The following PRDM16 variants were observed in gnomAD, a reference collection of about 807,000 sequenced individuals.
PRDM16 encodes PR/SET domain 16.
PRDM16 carries 23 observed loss-of-function variants against 110.6 expected under a neutral mutation model. The ratio of observed to expected loss-of-function variants is 0.21; its 90% confidence interval spans 0.15 to 0.29. The LOEUF is 0.29. PRDM16 is among the 10% of genes least tolerant of loss of function. The pLI, the probability that PRDM16 is intolerant of heterozygous loss-of-function variation, is 1.00. For synonymous variants in PRDM16, 799 were observed against 781.8 expected (o/e 1.02, Z -0.37); for missense variants, 1,615 against 1,794.3 (o/e 0.90, Z 1.81).
In PRDM16 at chr1:3,190,114, G is replaced by C. The variant is rs1158852023; in HGVS notation, c.387+3640G>C. On this transcript the variant is annotated intron_variant, in intron 2 of 16. Transcript: ENST00000270722. This position sits in a 1 kb window ranked among gnomAD's most constrained non-coding sequence, Gnocchi z 5.0. The stretch of plus-strand genomic sequence containing the variant: ...TGACAGCATGACTCCCTGGGGATGA[G>C]AGATGGGGCGGGCAGCACGTGAGGC... Among the ~76,000 whole-genome samples, 1 of 152,156 alleles carries C rather than the reference G, an allele frequency of 6.6e-6. No individual in the cohort carries two copies. Among genetic ancestry groups the C allele is most frequent in the Non-Finnish European group, 1.5e-5 (1 of 68,038 alleles).
At chr1:3,304,681 G>T (rs1641274048) in intron 3 of PRDM16, among the ~76,000 whole-genome samples, 1 of 152,176 alleles carries the variant, frequency 6.6e-6, no homozygotes, top group African/African-American at 2.4e-5. Flanking sequence ...ATAAGGGAGG[G>T]CAGTGTCGGT....
chr1:3,354,412 A>G (rs1642553363), intron 3 of PRDM16, among the ~76,000 whole-genome samples: 2 of 147,092 alleles, frequency 1.4e-5, no homozygotes, highest in South Asian at 4.3e-4. Flanking sequence ...GTGAGCCGAG[A>G]TTGCACCACT....
rs577288605 is a variant in PRDM16, at chr1:3,434,936, G to A, written c.*1125G>A. On this transcript the variant is annotated 3_prime_UTR_variant, in exon 17 of 17. Transcript: ENST00000270722. ...GGCTGCCCTGGGGAGCAATCCCAGCGGATCGCTCCGGGCCACCAAGCCGCA... is the reference window on the plus strand; with the variant it reads ...GGCTGCCCTGGGGAGCAATCCCAGCAGATCGCTCCGGGCCACCAAGCCGCA... The A allele has an allele frequency of 6.5e-5, 15 of 230,576 alleles. No individual in the cohort carries two copies. The highest frequency in any genetic ancestry group is 1.3e-3 in the Middle Eastern group (1 of 790). The allele number at this position is 230,576 out of a possible 1,614,324, so 14.3% of individuals were successfully genotyped here.
chr1:3,354,633 G>T (rs1460598071), intron 3 of PRDM16, among the ~76,000 whole-genome samples: 1 of 152,124 alleles, frequency 6.6e-6, no homozygotes. Context: ...GGGGTGTCTG[G>T]TGTTCCAGCT....
intron 3 of PRDM16, among the ~76,000 whole-genome samples, chr1:3,298,056 G>A (rs987934375): frequency 6.6e-6 from 1 of 152,248 alleles, no homozygotes; most frequent in African/African-American, 2.4e-5. Flanking sequence ...GCTGCTGAGA[G>A]TTCTGCAGCA....
chr1:3,386,153 G>GGGGTGCCCA (rs1643192851), intron 4 of PRDM16, among the ~76,000 whole-genome samples: 2 of 152,250 alleles, frequency 1.3e-5, no homozygotes, highest in South Asian at 4.2e-4. Context: ...CGGGGTGCCC[G>GGGGTGCCCA]GGGTGCCCGG....
intron 3 of PRDM16, among the ~76,000 whole-genome samples, chr1:3,384,943 G>A (rs918889188): frequency 6.6e-6 from 1 of 152,192 alleles, no homozygotes; most frequent in Non-Finnish European, 1.5e-5. Context: ...CTTTCTGCTG[G>A]GCTCCTGGAG....
chr1:3,365,944 G>GCACACACGCATGCACACAAACGCA (rs56403332), intron 3 of PRDM16, among the ~76,000 whole-genome samples: 1 of 151,640 alleles, frequency 6.6e-6, no homozygotes, highest in African/African-American at 2.4e-5. Context: ...GCACACAAAC[G>GCACACACGCATGCACACAAACGCA]CACACGCATG....
chr1:3,184,909 GGT>G lies in PRDM16; in HGVS notation c.38-1212_38-1211del, dbSNP rs541488798. 7.3e-3 allele frequency among the ~76,000 whole-genome samples: 1,113 copies of G among 152,154 alleles called. 17 individuals are homozygous for G. Among genetic ancestry groups the G allele is most frequent in the African/African-American group, 0.026 (1,074 of 41,504 alleles). On this transcript the variant is annotated intron_variant, in intron 1 of 16. Transcript: ENST00000270722. ...CTCCTTGGGGAGGGGTGGTGCCACAGGTGTGACCCTCTGCATCGGCTTCCTAC... is the reference window on the plus strand; with the variant it reads ...CTCCTTGGGGAGGGGTGGTGCCACAGGTGACCCTCTGCATCGGCTTCCTAC...
rs774994985 is a variant in PRDM16, at chr1:3,412,039, C to A, written c.1842C>A (p.Asp614Glu). The A allele has an allele frequency of 3.7e-6, 6 of 1,612,684 alleles. No individual in the cohort carries two copies. The highest frequency in any genetic ancestry group is 4.2e-6 in the Non-Finnish European group (5 of 1,179,514). Residue 614 changes from aspartate (D) to glutamate (E), a missense_variant, in exon 9 of 17, where the codon GAC (aspartate) becomes GAA (glutamate). Physicochemically the swap from Asp to Glu is conservative, Grantham distance 45 (BLOSUM62 2). Around this residue, in one of 5 missense-constraint regions of PRDM16, gnomAD observed 772 missense variants for 748.3 expected, o/e 1.03. Coordinates refer to ENST00000270722, the MANE Select transcript of PRDM16 (RefSeq NM_022114.4). ...ACGTCAACACCACCACGGGGACCGA[C>A]CTGGACACGACCACGGGGACGGGCT... ...FEDVNTTTGT[D>E]LDTTTGTGSD...
rs79091557 is a variant in PRDM16, at chr1:3,115,886, G to A, written c.37+46590G>A. ...TCTCTGGCCCATGCTTTGAAGTCTCGGGTGTCAGGAGGCCAGCACTGCAGC... is the reference window on the plus strand; with the variant it reads ...TCTCTGGCCCATGCTTTGAAGTCTCAGGTGTCAGGAGGCCAGCACTGCAGC... On this transcript the variant is annotated intron_variant, in intron 1 of 16. Transcript: ENST00000270722. Among the ~76,000 whole-genome samples, 38 of 152,284 alleles carry A rather than the reference G, an allele frequency of 2.5e-4. No homozygotes were observed. The East Asian group carries it at 6.2e-3, about 25-fold the overall frequency.
chr1:3,125,568 G>A (rs954106003), intron 1 of PRDM16, among the ~76,000 whole-genome samples: 4 of 152,268 alleles, frequency 2.6e-5, no homozygotes, highest in African/African-American at 9.6e-5. Flanking sequence ...CCTGGCGCTC[G>A]CCAAGGCTCT....
At position 3,359,252 on chromosome 1, in the gene PRDM16, C is replaced by G. The variant is rs1379487221; in HGVS notation, c.439-25900C>G. Among the ~76,000 whole-genome samples the G allele has an allele frequency of 3.9e-5, 6 of 152,242 alleles. No individual in the cohort carries two copies. The East Asian group carries it at 9.7e-4, about 25-fold the overall frequency. Reference sequence around the variant, plus strand: ...TTGGGGTCTCACTATGTTCCCCAGGCTTATACACATTTTTAAATGCAGACT... The same window carrying G: ...TTGGGGTCTCACTATGTTCCCCAGGGTTATACACATTTTTAAATGCAGACT... On this transcript the variant is annotated intron_variant, in intron 3 of 16. Transcript: ENST00000270722. This position sits in a 1 kb window ranked among gnomAD's most constrained non-coding sequence, Gnocchi z 4.3.
At chr1:3,347,951 G>A (rs1010313845) in intron 3 of PRDM16, among the ~76,000 whole-genome samples, 2 of 152,046 alleles carry the variant, frequency 1.3e-5, no homozygotes, top group African/African-American at 2.4e-5. Flanking sequence ...AGCTGGTGCC[G>A]GGCACTGAGT....
At chr1:3,311,694 G>A (rs920254483) in intron 3 of PRDM16, among the ~76,000 whole-genome samples, 23 of 152,190 alleles carry the variant, frequency 1.5e-4, no homozygotes, top group Admixed American at 1.3e-4. Flanking sequence ...AGTTCTGCCC[G>A]ACCCCGAAGG....
chr1:3,331,581 C>T (rs1219089910), intron 3 of PRDM16, among the ~76,000 whole-genome samples: 1 of 152,212 alleles, frequency 6.6e-6, no homozygotes, highest in Non-Finnish European at 1.5e-5. Flanking sequence ...CCTCGTTCTT[C>T]AAGGAGCCAG....
intron 2 of PRDM16, among the ~76,000 whole-genome samples, chr1:3,188,158 T>C (rs1644293796): frequency 6.6e-6 from 1 of 152,202 alleles, no homozygotes; most frequent in Non-Finnish European, 1.5e-5. Context: ...GGCTGTGCAG[T>C]GAAAGTAACT....
chr1:3,197,920 C>T (rs991157204), intron 2 of PRDM16, among the ~76,000 whole-genome samples: 35 of 152,300 alleles, frequency 2.3e-4, no homozygotes, highest in African/African-American at 6.0e-4. Context: ...ACTGCCCTCC[C>T]GCCAGGCCTG....
intron 1 of PRDM16, among the ~76,000 whole-genome samples, chr1:3,156,929 A>G (rs1643864115): frequency 1.3e-5 from 2 of 152,154 alleles, no homozygotes; most frequent in South Asian, 4.2e-4. Flanking sequence ...CTCGGTGGGG[A>G]CACGGGGTCT....
Sources: gnomAD v4.1 joint callset for allele counts (sites outside exome capture counted in the v4.1 genomes callset) on GRCh38, gnomAD v4.1.1 for gene constraint, gnomAD v4.1.1 regional missense constraint, Gnocchi (gnomAD v3.1) non-coding constraint, MANE v1.5 for transcripts, NCBI Gene and HGNC (gene_info 2026-07-23, HGNC 2026-07-21) for gene names.